Variants in NRXN1 observed in about 807,000 individuals in gnomAD.
The protein encoded by NRXN1 is neurexin 1.
A neutral mutation model predicts 150.9 loss-of-function variants in NRXN1; 39 were observed. The ratio of observed to expected loss-of-function variants is 0.26; its 90% confidence interval spans 0.20 to 0.34. The LOEUF (loss-of-function observed/expected upper bound fraction) is 0.34, where lower values mean the gene tolerates loss of function less well. Among genes scored for constraint, NRXN1 ranks in the 10% least tolerant of loss-of-function variants. The probability of loss-of-function intolerance (pLI) is 1.00; values close to 1 mark genes in which losing one functional copy is unlikely to be tolerated. For synonymous variants in NRXN1, 924 were observed against 757.0 expected, an observed-to-expected ratio of 1.22 and a Z score of -3.62; for missense variants, 1,815 against 1,949.9, an observed-to-expected ratio of 0.93 and a Z score of 1.30.
intron 17 of NRXN1, among the ~76,000 whole-genome samples, chr2:50,404,794 A>T (rs916492323): frequency 1.3e-5 from 2 of 152,094 alleles, no homozygotes; most frequent in Non-Finnish European, 2.9e-5. Flanking sequence ...TTTGCAGTAT[A>T]AGAGTTTTGA....
Position 50,053,385 on chromosome 2 carries a change from T to G in NRXN1, c.4014A>C (p.Ser1338=). 6 of 1,614,038 alleles carry G rather than the reference T, an allele frequency of 3.7e-6. No homozygotes were observed. Among genetic ancestry groups the G allele is most frequent in the Non-Finnish European group, 5.1e-6 (6 of 1,179,938 alleles). ...GEVPSSMTTE[S]TATAMQSEMS... Reference sequence around the variant, plus strand: ...TCTCTGATTGCATGGCAGTGGCTGTTGACTCAGTTGTCATAGAGGAAGGCA... The same window carrying G: ...TCTCTGATTGCATGGCAGTGGCTGTGGACTCAGTTGTCATAGAGGAAGGCA... The change falls in exon 21 of 23, where the codon TCA becomes TCC. Residue 1338 remains serine (S), a synonymous_variant. Transcript: ENST00000401669.
chr2:50,124,194 T>A (rs1198734121), intron 18 of NRXN1, among the ~76,000 whole-genome samples: 1 of 152,106 alleles, frequency 6.6e-6, no homozygotes, highest in Admixed American at 6.5e-5. Flanking sequence ...ATCAACGATA[T>A]AAAATGCTGC....
chr2:50,212,655 A>G (rs537159843), intron 18 of NRXN1, among the ~76,000 whole-genome samples: 1 of 152,010 alleles, frequency 6.6e-6, no homozygotes, highest in Non-Finnish European at 1.5e-5. Context: ...ATCTGAGTGA[A>G]CGAGGCAGAG....
chr2:50,594,751 G>A (rs1321960831), intron 8 of NRXN1, among the ~76,000 whole-genome samples: 1 of 152,080 alleles, frequency 6.6e-6, no homozygotes, highest in Non-Finnish European at 1.5e-5. Flanking sequence ...ATCCTATAAA[G>A]AGAGGACAAT....
At chr2:51,001,497 G>C (rs1402852933) in intron 2 of NRXN1, among the ~76,000 whole-genome samples, 5 of 151,860 alleles carry the variant, frequency 3.3e-5, no homozygotes, top group Non-Finnish European at 4.4e-5. Flanking sequence ...TGTAATAAAT[G>C]AATCACTTAG....
At position 50,481,923 on chromosome 2, in the gene NRXN1, G is replaced by A. The variant is rs1282863704; in HGVS notation, c.3071-9452C>T. On this transcript the variant is annotated intron_variant, in intron 15 of 22. Transcript: ENST00000401669. ...TGGGACTACAGGCGCCCGCCACTAC[G>A]CCCGGCTAATTTTTTTTTGTATTTT... is the stretch of plus-strand genomic sequence containing the variant. 6.2e-5 allele frequency among the ~76,000 whole-genome samples: 9 copies of A among 145,292 alleles called. 2 individuals carry two copies. Among genetic ancestry groups the A allele is most frequent in the African/African-American group, 2.2e-4 (8 of 36,078 alleles).
chr2:50,683,646 A>AATATATATAT (rs71225142), intron 5 of NRXN1, among the ~76,000 whole-genome samples: 49 of 14,784 alleles, frequency 3.3e-3, no homozygotes, highest in East Asian at 0.015. Context: ...AAAAAAAAAA[A>AATATATATAT]ATATATATAT....
Position 50,712,802 on chromosome 2 carries a change from A to G in NRXN1, c.833-89187T>C, listed in dbSNP as rs1695347080. Among the ~76,000 whole-genome samples the G allele has an allele frequency of 2.0e-5, 3 of 152,286 alleles. No homozygotes were observed. The South Asian group carries it at 6.2e-4, about 32-fold the overall frequency. On this transcript the variant is annotated intron_variant, in intron 5 of 22. Transcript: ENST00000401669. ...ACTGCAGCCTTCATCCCAGGGTGCC[A>G]ACCTACTCAGCCAAAGATGACATTA...
chr2:50,449,576 G>A (rs751612570), intron 17 of NRXN1, among the ~76,000 whole-genome samples: 1 of 152,154 alleles, frequency 6.6e-6, no homozygotes, highest in East Asian at 1.9e-4. Flanking sequence ...TCTTTAGTAA[G>A]CTTGCAGGTG....
chr2:50,250,974 T>G lies in NRXN1; in HGVS notation c.3365-14004A>C, dbSNP rs184537635. ...CATATGTAATAAATTTATTACACAT[T>G]GCATATGTAATAAATTTATTACACA... On this transcript the variant is annotated intron_variant, in intron 17 of 22. Coordinates refer to ENST00000401669, the MANE Select transcript of NRXN1 (RefSeq NM_001330078.2). Among the ~76,000 whole-genome samples the G allele has an allele frequency of 9.2e-3, 1,374 of 149,414 alleles. 12 individuals carry two copies. The highest frequency in any genetic ancestry group is 0.031 in the African/African-American group (1,253 of 40,350).
intron 5 of NRXN1, among the ~76,000 whole-genome samples, chr2:50,779,557 A>G (rs1174025773): frequency 6.6e-6 from 1 of 152,232 alleles, no homozygotes; most frequent in African/African-American, 2.4e-5. Context: ...TCACCAGGTC[A>G]GGAGACCGAG....
intron 2 of NRXN1, among the ~76,000 whole-genome samples, chr2:50,967,737 C>A (rs1694327522): frequency 6.6e-6 from 1 of 151,902 alleles, no homozygotes; most frequent in Admixed American, 6.6e-5. Context: ...AAGTAAGTAG[C>A]TTTTACCTCT....
At chr2:50,137,075 A>G (rs1001349577) in intron 18 of NRXN1, among the ~76,000 whole-genome samples, 10 of 152,226 alleles carry the variant, frequency 6.6e-5, no homozygotes, top group African/African-American at 2.4e-4. Context: ...TTGAAAGGTA[A>G]AAGACAAACC....
chr2:50,887,347 C>T (rs1680405066), intron 5 of NRXN1, among the ~76,000 whole-genome samples: 1 of 151,450 alleles, frequency 6.6e-6, no homozygotes, highest in African/African-American at 2.4e-5. Flanking sequence ...ATATCAGTTT[C>T]AGATACGTAC....
intron 17 of NRXN1, among the ~76,000 whole-genome samples, chr2:50,420,809 C>A (rs10187911): frequency 0.13 from 19,098 of 151,742 alleles, 1,863 homozygotes; most frequent in East Asian, 0.41. Flanking sequence ...TGTGGTAATC[C>A]TATTAGGGTA....
chr2:50,837,105 T>G (rs1237723355), intron 5 of NRXN1, among the ~76,000 whole-genome samples: 1 of 152,134 alleles, frequency 6.6e-6, no homozygotes, highest in East Asian at 1.9e-4. Context: ...ACACCGTATC[T>G]CCAGAGAAAA....
At chr2:50,454,496 T>C (rs908165035) in intron 17 of NRXN1, among the ~76,000 whole-genome samples, 1 of 152,102 alleles carries the variant, frequency 6.6e-6, no homozygotes, top group African/African-American at 2.4e-5. Context: ...AAACTTTTCC[T>C]AGATACACAC....
At chr2:50,071,729 T>C (rs1696324526) in intron 19 of NRXN1, among the ~76,000 whole-genome samples, 1 of 152,198 alleles carries the variant, frequency 6.6e-6, no homozygotes, top group Non-Finnish European at 1.5e-5. Context: ...TTAAACGTAG[T>C]TTGAAATAAT....
intron 18 of NRXN1, among the ~76,000 whole-genome samples, chr2:50,210,806 T>C (rs2152843581): frequency 6.6e-6 from 1 of 151,570 alleles, no homozygotes; most frequent in South Asian, 2.1e-4. Context: ...ATTTTATTGA[T>C]ATTTATATAT....
Sources: gnomAD v4.1 joint callset for allele counts (sites outside exome capture counted in the v4.1 genomes callset) on GRCh38, gnomAD v4.1.1 for gene constraint, MANE v1.5 for transcripts, NCBI Gene and HGNC (gene_info 2026-07-23, HGNC 2026-07-21) for gene names.